The following SHISAL1 variants were observed in gnomAD, a reference collection of about 807,000 sequenced individuals.
SHISAL1 encodes shisa like 1.
SHISAL1 carries 9 observed loss-of-function variants against 22.6 expected under a neutral mutation model. That is an observed-to-expected ratio of 0.40 (90% CI 0.24 to 0.70). The LOEUF (loss-of-function observed/expected upper bound fraction) is 0.70, where lower values mean the gene tolerates loss of function less well. Ranked by LOEUF, SHISAL1 falls within the 30% of genes least tolerant of loss-of-function variation. The pLI is 0.39. For synonymous variants in SHISAL1, 119 were observed against 115.4 expected (o/e 1.03, Z -0.20); for missense variants, 246 against 270.6 (o/e 0.91, Z 0.64).
chr22:44,314,915 TA>T (rs537030926), upstream of SHISAL1, among the ~76,000 whole-genome samples: 658 of 152,206 alleles, frequency 4.3e-3, 1 homozygote, highest in Non-Finnish European at 6.5e-3. Flanking sequence ...AGAGAGAAAG[TA>T]AAGTCTCCAA....
intron 3 of SHISAL1, among the ~76,000 whole-genome samples, chr22:44,294,448 C>T (rs187597147): frequency 1.6e-4 from 24 of 152,280 alleles, no homozygotes; most frequent in African/African-American, 3.9e-4. Context: ...CTTCAACAAA[C>T]GCCCTGTTCA....
chr22:44,256,132 G>A (rs1478719227), intron 4 of SHISAL1, among the ~76,000 whole-genome samples: 1 of 148,794 alleles, frequency 6.7e-6, no homozygotes, highest in Non-Finnish European at 1.5e-5. Context: ...GCTCTCCTGG[G>A]TCTCAGGCCC....
At chr22:44,270,541 G>A (rs1038874520) in intron 4 of SHISAL1, among the ~76,000 whole-genome samples, 13 of 152,194 alleles carry the variant, frequency 8.5e-5, no homozygotes, top group African/African-American at 3.1e-4. Context: ...GGGGGACCTT[G>A]GAGGCTTACA....
At chr22:44,264,644 A>G (rs2056742271) in intron 4 of SHISAL1, among the ~76,000 whole-genome samples, 1 of 152,206 alleles carries the variant, frequency 6.6e-6, no homozygotes, top group African/African-American at 2.4e-5. Flanking sequence ...ATGTTTAACC[A>G]GAGTCCTACA....
the SHISAL1 span, among the ~76,000 whole-genome samples, chr22:44,330,884 G>A: frequency 2.0e-4 from 30 of 151,942 alleles, no homozygotes; most frequent in Non-Finnish European, 3.5e-4. Flanking sequence ...GGGCCGCGCG[G>A]CGGACCAGGA....
intron 1 of SHISAL1, among the ~76,000 whole-genome samples, chr22:44,305,886 G>A (rs2055467670): frequency 6.6e-6 from 1 of 152,198 alleles, no homozygotes; most frequent in Admixed American, 6.5e-5. Context: ...GGGGGATTCT[G>A]CATGAGGAGG....
intron 1 of SHISAL1, 81 bp from the exon 2 acceptor site, chr22:44,301,058 C>A (rs2055425410): frequency 1.1e-6 from 1 of 943,390 alleles, no homozygotes; most frequent in Admixed American, 2.1e-5. Context: ...GGGGGACGGG[C>A]AGGCGGGCAG....
At chr22:44,283,093 C>T (rs1282679027) in intron 4 of SHISAL1, among the ~76,000 whole-genome samples, 1 of 152,364 alleles carries the variant, frequency 6.6e-6, no homozygotes, top group Admixed American at 6.5e-5. Context: ...AAAAAGGAAG[C>T]TCCTCACCCA....
chr22:44,303,871 C>G (rs548396146), intron 1 of SHISAL1, among the ~76,000 whole-genome samples: 1 of 152,276 alleles, frequency 6.6e-6, no homozygotes, highest in South Asian at 2.1e-4. Flanking sequence ...TCCCATCCCC[C>G]AGCCCCACCT....
intron 3 of SHISAL1, among the ~76,000 whole-genome samples, chr22:44,289,234 C>T (rs541315120): frequency 6.6e-6 from 1 of 152,302 alleles, no homozygotes; most frequent in East Asian, 1.9e-4. Flanking sequence ...TTGCCAAAGG[C>T]CACACAGCTG....
chr22:44,325,379 G>A, the SHISAL1 span, among the ~76,000 whole-genome samples: 732 of 152,282 alleles, frequency 4.8e-3, 3 homozygotes, highest in Non-Finnish European at 8.1e-3. Flanking sequence ...TTTTCTGGAC[G>A]CAGAGACCGA....
intron 4 of SHISAL1, among the ~76,000 whole-genome samples, chr22:44,265,564 T>C (rs4823209): frequency 0.31 from 47,145 of 151,926 alleles, 12,051 homozygotes; most frequent in African/African-American, 0.66. Context: ...CCAGGAGACC[T>C]AGTGAAGCCA....
chr22:44,281,232 C>T (rs1040194094), intron 4 of SHISAL1, among the ~76,000 whole-genome samples: 5 of 152,168 alleles, frequency 3.3e-5, no homozygotes, highest in South Asian at 2.1e-4. Flanking sequence ...ATCCCTTACA[C>T]GGGATTTGCT....
At chr22:44,288,902 G>A (rs2055334288) in intron 3 of SHISAL1, among the ~76,000 whole-genome samples, 1 of 152,234 alleles carries the variant, frequency 6.6e-6, no homozygotes, top group African/African-American at 2.4e-5. Flanking sequence ...AGGACTGTCT[G>A]CCCCTGGAGA....
At chr22:44,303,291 T>C (rs2055445979) in intron 1 of SHISAL1, among the ~76,000 whole-genome samples, 1 of 152,094 alleles carries the variant, frequency 6.6e-6, no homozygotes, top group Admixed American at 6.5e-5. Context: ...GTTGAAGTCC[T>C]AACTCCCAGG....
chr22:44,295,048 A>AT (rs1247232783), intron 3 of SHISAL1, among the ~76,000 whole-genome samples: 3 of 152,118 alleles, frequency 2.0e-5, no homozygotes, highest in South Asian at 2.1e-4. Flanking sequence ...TACTAACTGG[A>AT]TTTTTTTGGG....
intron 2 of SHISAL1, among the ~76,000 whole-genome samples, chr22:44,300,172 T>C (rs7286262): frequency 0.59 from 86,348 of 146,138 alleles, 25,785 homozygotes; most frequent in African/African-American, 0.77. Context: ...CAGAGAGAGA[T>C]AGAGATACAG....
intron 4 of SHISAL1, among the ~76,000 whole-genome samples, chr22:44,279,506 C>T (rs1484303798): frequency 6.6e-6 from 1 of 152,236 alleles, no homozygotes; most frequent in Non-Finnish European, 1.5e-5. Context: ...CCAGGAAGAA[C>T]ATGATGCTTG....
At chr22:44,295,519 G>GA (rs149292869) in intron 3 of SHISAL1, among the ~76,000 whole-genome samples, 26 of 144,650 alleles carry the variant, frequency 1.8e-4, no homozygotes, top group East Asian at 6.0e-4. Flanking sequence ...AACCATAAAA[G>GA]AAAAAAAAAA....
Sources: allele counts gnomAD v4.1 joint callset (sites outside exome capture counted in the v4.1 genomes callset), GRCh38; gene constraint gnomAD v4.1.1; transcripts MANE v1.5; gene names NCBI Gene and HGNC (gene_info 2026-07-23, HGNC 2026-07-21).